Variants in NRXN3 observed in about 807,000 individuals in gnomAD.
The protein encoded by NRXN3 is neurexin III.
NRXN3 carries 32 observed loss-of-function variants against 137.6 expected under a neutral mutation model. The ratio of observed to expected loss-of-function variants is 0.23; its 90% CI spans 0.18 to 0.31. The LOEUF is 0.31. Among genes scored for constraint, NRXN3 ranks in the 10% least tolerant of loss-of-function variants. The pLI is 1.00. For synonymous variants in NRXN3, 798 were observed against 784.5 expected (o/e 1.02, Z -0.29); for missense variants, 1,574 against 2,062.5 (o/e 0.76, Z 4.59).
At chr14:79,137,032 G>A (rs1434165185) in intron 15 of NRXN3, among the ~76,000 whole-genome samples, 3 of 152,180 alleles carry the variant, frequency 2.0e-5, no homozygotes, top group Non-Finnish European at 4.4e-5. Context: ...GGGGCCATTT[G>A]AGGACCATGA....
rs1305343785 is a variant in NRXN3 at position 79,510,193 on chromosome 14, T to C, written c.3444+42791T>C. Among the ~76,000 whole-genome samples the C allele has an allele frequency of 3.3e-5, 5 of 152,188 alleles. No homozygotes were observed. In the East Asian group the frequency reaches 7.7e-4, roughly 23 times the overall value. On this transcript the variant is annotated intron_variant, in intron 16 of 20. Coordinates refer to ENST00000335750, the MANE Select transcript of NRXN3 (RefSeq NM_001330195.2). ...GAATCAAAGTTAAGTGATAGCACTG[T>C]CAAAAAGGTTTCTTAAGGAAGAAGA...
intron 4 of NRXN3, among the ~76,000 whole-genome samples, chr14:78,430,116 C>T (rs2093819903): frequency 6.6e-6 from 1 of 152,160 alleles, no homozygotes; most frequent in Admixed American, 6.5e-5. Flanking sequence ...TGCACGTCTA[C>T]AGTCCCAGCC....
chr14:78,674,694 T>C (rs1330324839), intron 6 of NRXN3, among the ~76,000 whole-genome samples: 3 of 152,246 alleles, frequency 2.0e-5, no homozygotes, highest in African/African-American at 4.8e-5. Flanking sequence ...TATAGACTAT[T>C]AGGGGAGAGG....
intron 15 of NRXN3, among the ~76,000 whole-genome samples, chr14:79,020,878 C>CAG (rs2099588478): frequency 6.6e-6 from 1 of 151,540 alleles, no homozygotes; most frequent in Non-Finnish European, 1.5e-5. Flanking sequence ...CACACACACA[C>CAG]ACACACACAC....
At chr14:78,176,267 C>A (rs933435618) in intron 1 of NRXN3, among the ~76,000 whole-genome samples, 3 of 152,056 alleles carry the variant, frequency 2.0e-5, no homozygotes, top group Non-Finnish European at 2.9e-5. Flanking sequence ...CCTTTGAGAT[C>A]CCTCTAATAT....
chr14:79,788,880 T>C (rs1303349148), intron 19 of NRXN3, among the ~76,000 whole-genome samples: 1 of 152,146 alleles, frequency 6.6e-6, no homozygotes, highest in African/African-American at 2.4e-5. Context: ...TAAAAAAAGG[T>C]ATACCATTTC....
intron 4 of NRXN3, among the ~76,000 whole-genome samples, chr14:78,445,266 G>A (rs1354868249): frequency 6.6e-6 from 1 of 152,126 alleles, no homozygotes; most frequent in Non-Finnish European, 1.5e-5. Flanking sequence ...TGGAAAACCT[G>A]GGTCCTAGTT....
intron 15 of NRXN3, among the ~76,000 whole-genome samples, chr14:79,432,279 C>T (rs757742846): frequency 5.9e-5 from 9 of 152,106 alleles, no homozygotes; most frequent in Non-Finnish European, 1.2e-4. Flanking sequence ...ATCTTTCCTA[C>T]TTCACCTTTG....
chr14:79,715,120 AT>A (rs2098819274), intron 19 of NRXN3, among the ~76,000 whole-genome samples: 1 of 151,896 alleles, frequency 6.6e-6, no homozygotes, highest in African/African-American at 2.4e-5. Flanking sequence ...CACCTGGCCA[AT>A]TTTTTGTATT....
At chr14:78,252,000 G>C (rs1461254245) in intron 2 of NRXN3, among the ~76,000 whole-genome samples, 1 of 152,076 alleles carries the variant, frequency 6.6e-6, no homozygotes, top group East Asian at 1.9e-4. Context: ...CCAGTGGGTT[G>C]TCATTATTGC....
intron 4 of NRXN3, among the ~76,000 whole-genome samples, chr14:78,482,823 C>T (rs2153741920): frequency 6.6e-6 from 1 of 152,258 alleles, no homozygotes; most frequent in African/African-American, 2.4e-5. Flanking sequence ...GATAATTAGT[C>T]AGCATTACCC....
chr14:78,844,599 T>C (rs2099021403), intron 10 of NRXN3, among the ~76,000 whole-genome samples: 1 of 152,124 alleles, frequency 6.6e-6, no homozygotes, highest in Non-Finnish European at 1.5e-5. Context: ...TATGTATTTA[T>C]ATATATGTAA....
intron 15 of NRXN3, among the ~76,000 whole-genome samples, chr14:79,331,034 A>C (rs900294307): frequency 1.3e-5 from 2 of 152,108 alleles, no homozygotes; most frequent in South Asian, 4.1e-4. Context: ...CATACCTTCA[A>C]TTTTACCCTA....
At chr14:79,669,338 G>T (rs1012650551) in intron 17 of NRXN3, 12 of 152,108 alleles carry the variant, frequency 7.9e-5, no homozygotes, top group African/African-American at 2.7e-4. Context: ...TTTGAACATT[G>T]TGAGGAACAT....
At chr14:79,280,074 A>T in intron 15 of NRXN3, 1 of 1,364,090 alleles carries the variant, frequency 7.3e-7, no homozygotes. Context: ...GCTCCGGGAA[A>T]GAGAAGGGGC....
intron 6 of NRXN3, among the ~76,000 whole-genome samples, chr14:78,682,478 G>A (rs2098086014): frequency 6.6e-6 from 1 of 151,908 alleles, no homozygotes; most frequent in African/African-American, 2.4e-5. Flanking sequence ...TTGAGCCTGG[G>A]CCTTGTTAAG....
At chr14:79,470,860 ATG>A (rs371884980) in intron 16 of NRXN3, among the ~76,000 whole-genome samples, 4 of 146,276 alleles carry the variant, frequency 2.7e-5, no homozygotes, top group Admixed American at 1.4e-4. Flanking sequence ...AGCGGTGTAT[ATG>A]TGTGTGTGTG....
chr14:78,763,965 T>C (rs147100170), intron 8 of NRXN3, among the ~76,000 whole-genome samples: 1 of 152,310 alleles, frequency 6.6e-6, no homozygotes, highest in African/African-American at 2.4e-5. Context: ...TTTCTGATAG[T>C]TGACTGTGAC....
At chr14:79,477,116 A>AT (rs895646502) in intron 16 of NRXN3, among the ~76,000 whole-genome samples, 44 of 147,950 alleles carry the variant, frequency 3.0e-4, no homozygotes, top group Admixed American at 3.4e-4. Flanking sequence ...GGTTGCTGAG[A>AT]TTTTTTTTTT....
Sources: gnomAD v4.1 joint callset for allele counts (sites outside exome capture counted in the v4.1 genomes callset) on GRCh38, gnomAD v4.1.1 for gene constraint, MANE v1.5 for transcripts, NCBI Gene and HGNC (gene_info 2026-07-23, HGNC 2026-07-21) for gene names.